CACNG5: variants seen among roughly 807,000 people sequenced by gnomAD.
The protein encoded by CACNG5 is voltage-dependent calcium channel gamma-5 subunit.
In CACNG5, 18 loss-of-function variants were observed where a neutral mutation model predicts 24.8. The observed-to-expected ratio is 0.73, with a 90% CI of 0.50 to 1.08. The LOEUF is 1.08. Among genes scored for constraint, CACNG5 ranks in the 50% least tolerant of loss-of-function variants. The probability of loss-of-function intolerance (pLI) is 0.00; values close to 1 mark genes in which losing one functional copy is unlikely to be tolerated. For missense variants in CACNG5, 349 were observed against 367.9 expected (o/e 0.95, Z 0.42); for synonymous variants, 157 against 149.1 (o/e 1.05, Z -0.39).
chr17:66,839,203 A>C (rs944689429), intron 1 of CACNG5, among the ~76,000 whole-genome samples: 1 of 151,506 alleles, frequency 6.6e-6, no homozygotes, highest in South Asian at 2.1e-4. Flanking sequence ...CTTGTGATCC[A>C]CCCGCCTCGG....
At chr17:66,856,395 T>C (rs1976776158) in intron 1 of CACNG5, among the ~76,000 whole-genome samples, 2 of 152,332 alleles carry the variant, frequency 1.3e-5, no homozygotes, top group African/African-American at 2.4e-5. Context: ...AGAGACTCAA[T>C]GTAGTTTTTT....
At position 66,885,219 on chromosome 17, in the gene CACNG5, G is replaced by A. The variant is rs755156700; in HGVS notation, c.807G>A (p.Gln269=). The change falls in exon 6 of 6, where the codon CAG becomes CAA. Residue 269 remains glutamine (Q), a synonymous_variant. Transcript: ENST00000533854. Reference sequence around the variant, plus strand: ...TGCTCAAGTGCCCCGACTATGATCAGATGTCCTCTTCACCCTGCTGAGCCT... The same window carrying A: ...TGCTCAAGTGCCCCGACTATGATCAAATGTCCTCTTCACCCTGCTGAGCCT... ...PALLKCPDYD[Q]MSSSPC is the part of the protein sequence containing the mutation. The A allele has an allele frequency of 4.4e-6, 7 of 1,596,184 alleles. No homozygotes were observed. The highest frequency in any genetic ancestry group is 1.3e-5 in the African/African-American group (1 of 74,744).
chr17:66,845,725 T>C (rs185723516), intron 1 of CACNG5, among the ~76,000 whole-genome samples: 6 of 152,312 alleles, frequency 3.9e-5, no homozygotes, highest in Admixed American at 3.9e-4. Context: ...ATTCATGCCA[T>C]GGTCACTGAA....
intron 1 of CACNG5, among the ~76,000 whole-genome samples, chr17:66,876,517 G>A (rs1977079258): frequency 6.6e-6 from 1 of 152,198 alleles, no homozygotes. Context: ...TTCATTGCTG[G>A]CCCCTGCCGA....
intron 1 of CACNG5, among the ~76,000 whole-genome samples, chr17:66,852,833 C>T (rs1035232983): frequency 5.3e-5 from 8 of 151,960 alleles, no homozygotes; most frequent in Admixed American, 4.6e-4. Flanking sequence ...TTCTTCCCTT[C>T]GCTTCCCTTT....
At chr17:66,872,069 C>A (rs1040451488) in intron 1 of CACNG5, among the ~76,000 whole-genome samples, 2 of 152,132 alleles carry the variant, frequency 1.3e-5, no homozygotes, top group African/African-American at 2.4e-5. Flanking sequence ...AATACATGTT[C>A]TTTGAGAAGC....
chr17:66,876,165 G>A (rs1262720188), intron 1 of CACNG5, among the ~76,000 whole-genome samples: 4 of 152,206 alleles, frequency 2.6e-5, no homozygotes, highest in Admixed American at 6.5e-5. Context: ...ACCATACTTT[G>A]AGTAGCGAAG....
rs931319015 is a variant in CACNG5 at position 66,888,354 on chromosome 17, C to T, written c.*3114C>T. 1.3e-5 allele frequency among the ~76,000 whole-genome samples: 2 copies of T among 151,386 alleles called. No individual in the cohort carries two copies. Among genetic ancestry groups the T allele is most frequent in the Non-Finnish European group, 2.9e-5 (2 of 67,840 alleles). On this transcript the variant is annotated 3_prime_UTR_variant, in exon 6 of 6. Transcript: ENST00000533854. ...GGTCAGGAGATCGAGACCATCCTGG[C>T]TAACATGGTGAAACCCTGTCTCTAC... is the stretch of plus-strand genomic sequence containing the variant.
At chr17:66,880,420 T>A (rs956184865) in intron 3 of CACNG5, 137 bp from the exon 4 acceptor site, 1 of 968,392 alleles carries the variant, frequency 1.0e-6, no homozygotes, top group African/African-American at 1.6e-5. Context: ...CTGATGGGGG[T>A]AGAGTCTGGG....
At chr17:66,876,251 C>T (rs1977076421) in intron 1 of CACNG5, among the ~76,000 whole-genome samples, 1 of 152,228 alleles carries the variant, frequency 6.6e-6, no homozygotes, top group Admixed American at 6.5e-5. Flanking sequence ...CCAGGCCCCA[C>T]TTGAGCTCAA....
intron 1 of CACNG5, among the ~76,000 whole-genome samples, chr17:66,853,002 TC>T (rs1976726351): frequency 6.6e-6 from 1 of 151,468 alleles, no homozygotes; most frequent in Non-Finnish European, 1.5e-5. Context: ...TCTCTTTCTC[TC>T]TTCTCTTCTC....
chr17:66,858,712 CA>C (rs1297672066), intron 1 of CACNG5, among the ~76,000 whole-genome samples: 1 of 149,784 alleles, frequency 6.7e-6, no homozygotes, highest in Non-Finnish European at 1.5e-5. Context: ...AACTGTCTCC[CA>C]GGGGCCCCCT....
chr17:66,878,897 G>A, intron 2 of CACNG5, 75 bp from the exon 3 acceptor site: 1 of 1,240,830 alleles, frequency 8.1e-7, no homozygotes, highest in East Asian at 2.4e-5. Flanking sequence ...AACACACTTG[G>A]AAATACCATT....
At position 66,868,008 on chromosome 17, in the gene CACNG5, T is replaced by G. The variant is rs372721808; in HGVS notation, c.-103-9222T>G. On this transcript the variant is annotated intron_variant, in intron 1 of 5. Transcript: ENST00000533854. ...ATGATATAATTGCTATTATCACTAC[T>G]TGGTTAGTACTACCTGGTTAGACAG... 6.6e-5 allele frequency among the ~76,000 whole-genome samples: 10 copies of G among 152,354 alleles called. No homozygotes were observed. In the East Asian group the frequency reaches 1.7e-3, roughly 26 times the overall value.
In CACNG5 at chr17:66,877,657, G is replaced by T. The variant is rs1977103018; in HGVS notation, c.196+129G>T. ...TTCACCACGGATGATCCCTATATAT[G>T]GCGGGTGGTGCTCCCTGCAGTGACT... On this transcript the variant is annotated intron_variant, in intron 2 of 5. Transcript: ENST00000533854. The T allele has an allele frequency of 1.7e-5, 13 of 748,310 alleles. No homozygotes were observed. In the South Asian group the frequency reaches 2.3e-4, roughly 13 times the overall value. 46.4% of individuals were successfully genotyped at this position (748,310 alleles called of 1,614,324 possible). A position where few individuals can be genotyped will look rare whatever the true frequency, so the allele number is the denominator to read the frequency against.
In CACNG5 at chr17:66,893,204, C is replaced by T. The variant is rs1306403301; in HGVS notation, c.*7964C>T. Among the ~76,000 whole-genome samples, 2 of 152,192 alleles carry T rather than the reference C, an allele frequency of 1.3e-5. No homozygotes were observed. Among genetic ancestry groups the T allele is most frequent in the South Asian group, 2.1e-4 (1 of 4,824 alleles). ...TGCACCCCCAAGAGCATGGCACCTA[C>T]AGTCCTAAATGTTCTGCATGGTAAA... is the stretch of plus-strand genomic sequence containing the variant. On this transcript the variant is annotated 3_prime_UTR_variant, in exon 6 of 6. Coordinates refer to ENST00000533854, the MANE Select transcript of CACNG5 (RefSeq NM_145811.3).
intron 1 of CACNG5, among the ~76,000 whole-genome samples, chr17:66,855,689 G>A (rs1976766044): frequency 6.6e-6 from 1 of 152,158 alleles, no homozygotes; most frequent in Non-Finnish European, 1.5e-5. Flanking sequence ...TAGAGACGGG[G>A]TTTCACCATG....
At chr17:66,866,518 A>C (rs1976932673) in intron 1 of CACNG5, among the ~76,000 whole-genome samples, 1 of 152,126 alleles carries the variant, frequency 6.6e-6, no homozygotes, top group African/African-American at 2.4e-5. Flanking sequence ...ACCTAGGTAA[A>C]TGTGTGTCAT....
At chr17:66,882,677 G>A (rs972156419) in intron 4 of CACNG5, among the ~76,000 whole-genome samples, 6 of 152,094 alleles carry the variant, frequency 3.9e-5, no homozygotes, top group African/African-American at 1.4e-4. Context: ...TGACTGGTTA[G>A]GGATCCTGGG....
Sources: gnomAD v4.1 joint callset for allele counts (sites outside exome capture counted in the v4.1 genomes callset) on GRCh38, gnomAD v4.1.1 for gene constraint, MANE v1.5 for transcripts, NCBI Gene and HGNC (gene_info 2026-07-23, HGNC 2026-07-21) for gene names.